MYH15: variants seen among roughly 807,000 people sequenced by gnomAD.
MYH15 encodes the protein myosin-15.
A neutral mutation model predicts 240.5 loss-of-function variants in MYH15; 227 were observed. The ratio of observed to expected loss-of-function variants is 0.94; its 90% confidence interval spans 0.85 to 1.05. MYH15 has a LOEUF of 1.05. Among genes scored for constraint, MYH15 ranks in the 50% least tolerant of loss-of-function variants. The pLI, the probability that MYH15 is intolerant of heterozygous loss-of-function variation, is 0.00. For missense variants in MYH15, 2,217 were observed against 2,247.5 expected, an observed-to-expected ratio of 0.99 and a Z score of 0.27; for synonymous variants, 785 against 796.7, an observed-to-expected ratio of 0.99 and a Z score of 0.25.
chr3:108,493,259 T>C (rs1271418036), intron 7 of MYH15, 82 bp from the exon 8 acceptor site: 1 of 941,072 alleles, frequency 1.1e-6, no homozygotes, highest in African/African-American at 1.7e-5. Flanking sequence ...GGCTTCATTA[T>C]ATGTAACTCT....
At chr3:108,401,365 G>A (rs1008245482) in intron 33 of MYH15, among the ~76,000 whole-genome samples, 3 of 139,520 alleles carry the variant, frequency 2.2e-5, no homozygotes, top group Non-Finnish European at 3.3e-5. Flanking sequence ...TGAGGATGCA[G>A]TGAAAATGTG....
chr3:108,515,787 C>G (rs759952823), intron 1 of MYH15, among the ~76,000 whole-genome samples: 6 of 152,156 alleles, frequency 3.9e-5, no homozygotes, highest in Non-Finnish European at 7.3e-5. Flanking sequence ...GCTTTGCTTT[C>G]CAAATTGCTT....
upstream of MYH15, among the ~76,000 whole-genome samples, chr3:108,512,023 T>C (rs1387868327): frequency 6.6e-6 from 1 of 152,152 alleles, no homozygotes; most frequent in African/African-American, 2.4e-5. Context: ...ACCTATGTAA[T>C]GCAAGGACTA....
intron 31 of MYH15, among the ~76,000 whole-genome samples, chr3:108,410,332 A>G (rs1195906482): frequency 6.6e-6 from 1 of 152,238 alleles, no homozygotes; most frequent in Non-Finnish European, 1.5e-5. Flanking sequence ...GTGGATATCA[A>G]GAAATTTTCA....
Position 108,439,869 on chromosome 3 carries a change from G to A in MYH15, c.2943C>T (p.Ile981=), listed in dbSNP as rs1351638950. 6.2e-7 allele frequency: 1 copy of A among 1,609,790 alleles called. No homozygotes were observed. Among genetic ancestry groups the A allele is most frequent in the Non-Finnish European group, 8.5e-7 (1 of 1,178,512 alleles). Residue 981 remains isoleucine (I), a synonymous_variant, in exon 24 of 41, where the codon ATC becomes ATT. Coordinates refer to ENST00000693548, the MANE Select transcript of MYH15 (RefSeq NM_014981.3). ...TEEVEFLNED[I]SKLNRAAKVV... ...CCTTGGCTGCTCTGTTAAGTTTGCT[G>A]ATATCCTCATTTAGAAACTCTACTT...
At chr3:108,455,996 T>G (rs2083016719) in intron 19 of MYH15, 137 bp from the exon 20 acceptor site, 5 of 843,366 alleles carry the variant, frequency 5.9e-6, no homozygotes, top group African/African-American at 1.7e-5. Flanking sequence ...ACAAGATTCT[T>G]AGTAACAATA....
chr3:108,483,664 C>G (rs552060177), intron 11 of MYH15, among the ~76,000 whole-genome samples: 1 of 152,168 alleles, frequency 6.6e-6, no homozygotes, highest in Non-Finnish European at 1.5e-5. Flanking sequence ...AGCAGCATTA[C>G]TCACAATAGC....
chr3:108,407,727 A>G (rs887915208), intron 32 of MYH15, among the ~76,000 whole-genome samples: 1 of 152,194 alleles, frequency 6.6e-6, no homozygotes, highest in Non-Finnish European at 1.5e-5. Context: ...AGCTTTTGTG[A>G]CTGACTCTTT....
rs373692103 is a variant in MYH15 at position 108,439,736 on chromosome 3, C to T, written c.3075+1G>A. On this transcript the variant is annotated splice_donor_variant, in intron 24 of 40. Coordinates refer to ENST00000693548, the MANE Select transcript of MYH15 (RefSeq NM_014981.3). LOFTEE classifies it high-confidence loss of function. ...AACTAACCAGATACACCGTTACTGA[C>T]CTCATCAACTTGCTGTTCCAGCTTC... 1.9e-6 allele frequency: 3 copies of T among 1,596,794 alleles called. No individual in the cohort carries two copies. Among genetic ancestry groups the T allele is most frequent in the Non-Finnish European group, 2.6e-6 (3 of 1,172,256 alleles).
chr3:108,485,373 G>A (rs2083297860), intron 10 of MYH15, 144 bp from the exon 11 acceptor site: 1 of 872,732 alleles, frequency 1.1e-6, no homozygotes, highest in African/African-American at 1.7e-5. Context: ...AATCAGCCCT[G>A]TTGGCACTTG....
chr3:108,548,108 A>G, the MYH15 span, among the ~76,000 whole-genome samples: 1 of 152,162 alleles, frequency 6.6e-6, no homozygotes, highest in Non-Finnish European at 1.5e-5. Flanking sequence ...AAGAGGACAG[A>G]TGGACCTATA....
At chr3:108,532,246 C>A (rs141364035), upstream of MYH15, among the ~76,000 whole-genome samples, 1 of 151,564 alleles carries the variant, frequency 6.6e-6, no homozygotes, top group East Asian at 2.0e-4. Flanking sequence ...TGTTTCTGGA[C>A]GAGATTAACA....
intron 11 of MYH15, among the ~76,000 whole-genome samples, chr3:108,483,743 A>G (rs936717072): frequency 6.6e-6 from 1 of 152,222 alleles, no homozygotes; most frequent in African/African-American, 2.4e-5. Context: ...CATACACTGG[A>G]ATATTATTTA....
intron 11 of MYH15, among the ~76,000 whole-genome samples, chr3:108,478,796 T>A (rs1169674037): frequency 6.6e-6 from 1 of 152,186 alleles, no homozygotes; most frequent in Admixed American, 6.5e-5. Flanking sequence ...TCATATATCC[T>A]TTTTCCAGTG....
chr3:108,428,928 A>C, intron 26 of MYH15, 47 bp from the exon 27 acceptor site: 1 of 1,504,354 alleles, frequency 6.6e-7, no homozygotes, highest in South Asian at 1.3e-5. Flanking sequence ...TTGTAGCAAG[A>C]GCTTTACTCT....
upstream of MYH15, among the ~76,000 whole-genome samples, chr3:108,534,007 C>T (rs2083729736): frequency 6.6e-6 from 1 of 152,160 alleles, no homozygotes; most frequent in Non-Finnish European, 1.5e-5. Context: ...AAAAAATACT[C>T]TTAAAACGAT....
intron 29 of MYH15, 21 bp from the exon 30 acceptor site, chr3:108,414,449 C>A (rs1482715049): frequency 6.3e-7 from 1 of 1,592,116 alleles, no homozygotes; most frequent in Admixed American, 1.7e-5. Flanking sequence ...CACACATTAA[C>A]AAAAAGGTCA....
chr3:108,546,542 T>C, the MYH15 span, among the ~76,000 whole-genome samples: 1 of 152,128 alleles, frequency 6.6e-6, no homozygotes, highest in African/African-American at 2.4e-5. Flanking sequence ...CTCTCTAATG[T>C]AGTAGTGGAC....
At chr3:108,381,612 T>G in intron 40 of MYH15, 53 bp from the exon 41 acceptor site, 2 of 1,599,036 alleles carry the variant, frequency 1.3e-6, no homozygotes, top group Non-Finnish European at 1.7e-6. Flanking sequence ...TTTTCACCAG[T>G]GGAACACATG....
Sources: allele counts gnomAD v4.1 joint callset (sites outside exome capture counted in the v4.1 genomes callset), GRCh38; gene constraint gnomAD v4.1.1; transcripts MANE v1.5; gene names NCBI Gene and HGNC (gene_info 2026-07-23, HGNC 2026-07-21).